The following BCAS3 variants were observed in gnomAD, a reference collection of about 807,000 sequenced individuals.
The protein encoded by BCAS3 is BCAS4/BCAS3 fusion.
In BCAS3, 53 loss-of-function variants were observed where a neutral mutation model predicts 116.1. That is an observed-to-expected ratio of 0.46 (90% confidence interval 0.37 to 0.57). BCAS3 has a LOEUF of 0.57. BCAS3 is among the 20% of genes least tolerant of loss of function. The pLI is 0.00. For synonymous variants in BCAS3, 391 were observed against 408.2 expected, an observed-to-expected ratio of 0.96 and a Z score of 0.51; for missense variants, 917 against 1,165.4, an observed-to-expected ratio of 0.79 and a Z score of 3.10.
chr17:61,082,826 A>G lies in BCAS3; in HGVS notation c.2328-1641A>G. Among the ~76,000 whole-genome samples, 1 of 152,224 alleles carries G rather than the reference A, an allele frequency of 6.6e-6. No homozygotes were observed. The highest frequency in any genetic ancestry group is 1.9e-4 in the East Asian group (1 of 5,200). ...GAATGAATATTGGGTAGTCCTACAT[A>G]GCAGTGATCAATATTTGTTAATCAG... On this transcript the variant is annotated intron_variant, in intron 21 of 23. Coordinates refer to ENST00000407086, the MANE Select transcript of BCAS3 (RefSeq NM_017679.5). This position sits in a 1 kb window ranked among gnomAD's most constrained non-coding sequence, Gnocchi z 5.1.
At chr17:60,869,746 C>A (rs1267934300) in intron 8 of BCAS3, among the ~76,000 whole-genome samples, 1 of 152,092 alleles carries the variant, frequency 6.6e-6, no homozygotes, top group Admixed American at 6.5e-5. Context: ...TGTTAAACAA[C>A]GTTATTGAAT....
At chr17:60,837,620 A>G (rs2051475199) in intron 7 of BCAS3, among the ~76,000 whole-genome samples, 1 of 151,878 alleles carries the variant, frequency 6.6e-6, no homozygotes, top group Admixed American at 6.6e-5. Flanking sequence ...TCCTGGGAGC[A>G]GTTTAAAATT....
rs59436810 is a variant in BCAS3, at chr17:61,366,140, C to CAA, written c.2426-2172_2426-2171dup. 1.5e-5 allele frequency among the ~76,000 whole-genome samples: 2 copies of CAA among 137,634 alleles called. No homozygotes were observed. Among genetic ancestry groups the CAA allele is most frequent in the African/African-American group, 2.7e-5 (1 of 36,918 alleles). The allele number at this position is 137,634 out of a possible 152,430, so 90.3% of individuals were successfully genotyped here. On this transcript the variant is annotated intron_variant, in intron 22 of 23. Coordinates refer to ENST00000407086, the MANE Select transcript of BCAS3 (RefSeq NM_017679.5). This position sits in a 1 kb window ranked among gnomAD's most constrained non-coding sequence, Gnocchi z 4.5. ...CCTGGGCGACAGAGTGAGACTGTCT[C>CAA]AAAAAAAAAAAAAAAAGTTGAGCCA...
intron 22 of BCAS3, among the ~76,000 whole-genome samples, chr17:61,246,827 G>GTGTGTGTGTGTA (rs1217444834): frequency 6.0e-5 from 9 of 149,796 alleles, no homozygotes; most frequent in African/African-American, 2.2e-4. Context: ...GTGTGTGTGT[G>GTGTGTGTGTGTA]TGTATGTGTG....
At position 61,186,547 on chromosome 17, in the gene BCAS3, T is replaced by G. The variant is rs2079787534; in HGVS notation, c.2425+101983T>G. 6.6e-6 allele frequency among the ~76,000 whole-genome samples: 1 copy of G among 152,204 alleles called. No homozygotes were observed. Among genetic ancestry groups the G allele is most frequent in the Non-Finnish European group, 1.5e-5 (1 of 68,040 alleles). On this transcript the variant is annotated intron_variant, in intron 22 of 23. Transcript: ENST00000407086. The surrounding 1 kb of genome is among the most constrained non-coding windows in gnomAD (Gnocchi z 4.9). ...TTTCTAAATATGGTCATAAATATGC[T>G]CATAACTTATTTTAATTGTTCATTT...
chr17:61,184,546 G>A (rs966754690), intron 22 of BCAS3, among the ~76,000 whole-genome samples: 1 of 151,986 alleles, frequency 6.6e-6, no homozygotes, highest in Admixed American at 6.6e-5. Context: ...AAAATAGTTT[G>A]GTGGTTTCTT....
intron 22 of BCAS3, among the ~76,000 whole-genome samples, chr17:61,317,721 G>C (rs2054866658): frequency 6.6e-6 from 1 of 152,218 alleles, no homozygotes; most frequent in African/African-American, 2.4e-5. Flanking sequence ...GTAGGGCACA[G>C]TTGTTCCTAA....
At chr17:61,353,812 G>T (rs1024331691) in intron 22 of BCAS3, 2 of 152,220 alleles carry the variant, frequency 1.3e-5, no homozygotes, top group Non-Finnish European at 2.9e-5. Context: ...CTGAACAGAT[G>T]CTCTGACATG....
chr17:60,717,541 A>G (rs1466058002), intron 5 of BCAS3, among the ~76,000 whole-genome samples: 2 of 152,160 alleles, frequency 1.3e-5, no homozygotes, highest in African/African-American at 4.8e-5. Flanking sequence ...ATTTAAGAAC[A>G]GCAAGGAGGC....
At chr17:60,975,567 T>G (rs1451944388) in intron 14 of BCAS3, among the ~76,000 whole-genome samples, 2 of 152,214 alleles carry the variant, frequency 1.3e-5, no homozygotes, top group African/African-American at 4.8e-5. Context: ...ATACATAAAG[T>G]TCACCATTTT....
rs1250460918 is a variant in BCAS3 at position 61,377,668 on chromosome 17, T to C, written c.2593+9174T>C. On this transcript the variant is annotated intron_variant, in intron 23 of 23. Transcript: ENST00000407086. The surrounding 1 kb of genome is among the most constrained non-coding windows in gnomAD (Gnocchi z 4.6). ...TTGGCCTCCTGTAACTCTGATGTCC[T>C]GGCTGCTGCAGGGAGCACTCGGTCT... 6.6e-6 allele frequency among the ~76,000 whole-genome samples: 1 copy of C among 152,164 alleles called. No individual in the cohort carries two copies. Among genetic ancestry groups the C allele is most frequent in the African/African-American group, 2.4e-5 (1 of 41,446 alleles).
At chr17:60,950,970 G>A (rs1426007488) in intron 14 of BCAS3, among the ~76,000 whole-genome samples, 3 of 152,200 alleles carry the variant, frequency 2.0e-5, no homozygotes, top group African/African-American at 7.2e-5. Context: ...GAATCCCGTG[G>A]AGATTTTTAT....
At chr17:61,335,312 A>C (rs1444127983) in intron 22 of BCAS3, among the ~76,000 whole-genome samples, 3 of 152,210 alleles carry the variant, frequency 2.0e-5, no homozygotes, top group Non-Finnish European at 4.4e-5. Context: ...GCACACTCGC[A>C]ATGTGTCTAT....
At chr17:60,886,224 C>T (rs1309365559) in intron 9 of BCAS3, among the ~76,000 whole-genome samples, 4 of 144,242 alleles carry the variant, frequency 2.8e-5, no homozygotes, top group Admixed American at 2.1e-4. Context: ...CCCTTTCTTC[C>T]AGTTGATCGC....
chr17:60,714,702 A>G (rs1166023960), intron 5 of BCAS3, among the ~76,000 whole-genome samples: 1 of 152,160 alleles, frequency 6.6e-6, no homozygotes. Flanking sequence ...AAATAAGCAT[A>G]TCCTGGTTAA....
At chr17:60,693,091 A>G (rs2035084250) in intron 4 of BCAS3, among the ~76,000 whole-genome samples, 1 of 151,582 alleles carries the variant, frequency 6.6e-6, no homozygotes, top group Admixed American at 6.6e-5. Context: ...GGCCAGGCTG[A>G]TCTTGAACTC....
At position 61,211,275 on chromosome 17, in the gene BCAS3, G is replaced by A. The variant is rs1280554657; in HGVS notation, c.2425+126711G>A. Reference sequence around the variant, plus strand: ...TGATAATCCAGTTGGCCACCAAGGGGTTGTGCTTCCTTACTGACTGTATTT... The same window carrying A: ...TGATAATCCAGTTGGCCACCAAGGGATTGTGCTTCCTTACTGACTGTATTT... On this transcript the variant is annotated intron_variant, in intron 22 of 23. Coordinates refer to ENST00000407086, the MANE Select transcript of BCAS3 (RefSeq NM_017679.5). The surrounding 1 kb of genome is among the most constrained non-coding windows in gnomAD (Gnocchi z 4.4). Among the ~76,000 whole-genome samples the A allele has an allele frequency of 6.6e-6, 1 of 152,158 alleles. No homozygotes were observed. Among genetic ancestry groups the A allele is most frequent in the Admixed American group, 6.5e-5 (1 of 15,278 alleles).
intron 22 of BCAS3, among the ~76,000 whole-genome samples, chr17:61,273,110 A>ATTT (rs1254394823): frequency 7.1e-6 from 1 of 141,676 alleles, no homozygotes; most frequent in Non-Finnish European, 1.6e-5. Flanking sequence ...CCTTTATTTT[A>ATTT]TTTTTTTTTT....
At chr17:61,280,078 A>G (rs1292023965) in intron 22 of BCAS3, among the ~76,000 whole-genome samples, 1 of 152,196 alleles carries the variant, frequency 6.6e-6, no homozygotes, top group African/African-American at 2.4e-5. Flanking sequence ...AACAAAGAGT[A>G]GAGTTTAAGG....
Sources: gnomAD v4.1 joint callset for allele counts (sites outside exome capture counted in the v4.1 genomes callset) on GRCh38, gnomAD v4.1.1 for gene constraint, Gnocchi (gnomAD v3.1) non-coding constraint, MANE v1.5 for transcripts, NCBI Gene and HGNC (gene_info 2026-07-23, HGNC 2026-07-21) for gene names.